The following KDM1A variants were observed in gnomAD, a reference collection of about 807,000 sequenced individuals.
KDM1A encodes the protein lysine demethylase 1A.
KDM1A carries 49 observed loss-of-function variants against 109.4 expected under a neutral mutation model. The ratio of observed to expected loss-of-function variants is 0.45; its 90% CI spans 0.36 to 0.57. KDM1A has a LOEUF of 0.57. Among genes scored for constraint, KDM1A ranks in the 20% least tolerant of loss-of-function variants. The pLI, the probability that KDM1A is intolerant of heterozygous loss-of-function variation, is 0.00. For synonymous variants in KDM1A, 380 were observed against 415.4 expected (o/e 0.91, Z 1.04); for missense variants, 668 against 1,116.6 (o/e 0.60, Z 5.73).
chr1:23,071,336 A>C lies in KDM1A; in HGVS notation c.1525A>C (p.Arg509=). The part of the protein sequence containing the change: ...TAEFLVKSKH[R]DLTALCKEYD... ...CGAGTTCTTAGTGAAAAGCAAACAC[A>C]GGGATCTGACCGCCCTATGCAAGGT... is the stretch of plus-strand genomic sequence containing the variant. Residue 509 remains arginine, a synonymous_variant, in exon 13 of 21, where the codon AGG becomes CGG. Coordinates refer to ENST00000400181, the MANE Select transcript of KDM1A (RefSeq NM_001009999.3). 1 of 1,612,770 alleles carries C rather than the reference A, an allele frequency of 6.2e-7. No individual in the cohort carries two copies. The highest frequency in any genetic ancestry group is 8.5e-7 in the Non-Finnish European group (1 of 1,179,652).
intron 2 of KDM1A, among the ~76,000 whole-genome samples, chr1:23,041,703 A>G (rs1642341044): frequency 6.6e-6 from 1 of 151,780 alleles, no homozygotes; most frequent in South Asian, 2.1e-4. Context: ...GGCCTCCCAA[A>G]GTGCTGGGAT....
chr1:23,033,305 TGA>T (rs1642045131), intron 2 of KDM1A, among the ~76,000 whole-genome samples: 1 of 152,156 alleles, frequency 6.6e-6, no homozygotes, highest in Non-Finnish European at 1.5e-5. Flanking sequence ...GCGGATCACC[TGA>T]GGTCAGGAGT....
chr1:23,044,909 C>G (rs1642459121), intron 3 of KDM1A, among the ~76,000 whole-genome samples: 1 of 152,112 alleles, frequency 6.6e-6, no homozygotes, highest in Non-Finnish European at 1.5e-5. Context: ...GTCAGAGGAA[C>G]TATGTGGGCA....
chr1:23,020,095 C>G (rs1641576059), intron 1 of KDM1A, 148 bp downstream of exon 1: 1 of 853,548 alleles, frequency 1.2e-6, no homozygotes, highest in Non-Finnish European at 1.6e-6. Context: ...TCCCCTCTAG[C>G]TGGACGGGTG....
At chr1:23,070,182 G>A (rs942193942) in intron 12 of KDM1A, among the ~76,000 whole-genome samples, 4 of 152,214 alleles carry the variant, frequency 2.6e-5, no homozygotes, top group Non-Finnish European at 5.9e-5. Context: ...GGTTCCTTAA[G>A]ATTCTTTGGC....
At chr1:23,032,846 C>T (rs4411106) in intron 2 of KDM1A, among the ~76,000 whole-genome samples, 78 of 152,264 alleles carry the variant, frequency 5.1e-4, no homozygotes, top group East Asian at 1.2e-3. Context: ...AAAAATTGAA[C>T]GGAAGCATTG....
chr1:23,051,270 G>A (rs1482372011), intron 4 of KDM1A, among the ~76,000 whole-genome samples: 1 of 152,108 alleles, frequency 6.6e-6, no homozygotes, highest in African/African-American at 2.4e-5. Context: ...TTTGACTGCT[G>A]GACATTTGTT....
chr1:23,051,154 A>C (rs912011901), intron 4 of KDM1A, among the ~76,000 whole-genome samples: 1 of 152,194 alleles, frequency 6.6e-6, no homozygotes. Context: ...TTCCCTCTGA[A>C]GAGAAATCTT....
intron 5 of KDM1A, 87 bp downstream of exon 5, chr1:23,053,926 T>A (rs564022222): frequency 1.8e-5 from 13 of 738,150 alleles, no homozygotes; most frequent in Non-Finnish European, 2.9e-5. Flanking sequence ...CCTTGATAAT[T>A]AATTTTTTCA....
At chr1:23,026,297 T>A (rs1346721985) in intron 1 of KDM1A, among the ~76,000 whole-genome samples, 1 of 152,058 alleles carries the variant, frequency 6.6e-6, no homozygotes, top group Non-Finnish European at 1.5e-5. Context: ...TAGGTATATA[T>A]ATTTATGGGG....
At chr1:23,041,974 T>C (rs114072618) in intron 2 of KDM1A, among the ~76,000 whole-genome samples, 1 of 152,200 alleles carries the variant, frequency 6.6e-6, no homozygotes, top group Admixed American at 6.5e-5. Context: ...AATCCATCTT[T>C]TTTTGTGAAT....
At position 23,019,910 on chromosome 1, in the gene KDM1A, C is replaced by T. The variant is rs1641563497; in HGVS notation, c.314C>T (p.Pro105Leu). The T allele has an allele frequency of 6.4e-7, 1 of 1,573,050 alleles. No homozygotes were observed. Among genetic ancestry groups the T allele is most frequent in the Non-Finnish European group, 8.6e-7 (1 of 1,162,134 alleles). ...TPMETGIAET[P>L]EGRRTSRRKR... ...ATGGAAACTGGAATAGCAGAGACTC[C>T]GGAGGGGCGTCGGACCAGCCGGCGC... Residue 105 changes from proline (P) to leucine (L), a missense_variant, in exon 1 of 21, where the codon CCG becomes CTG. By Grantham distance (98) the Pro-to-Leu change is moderately conservative. This residue lies in a region of KDM1A where 156 missense variants were observed against 163.4 expected (regional missense o/e 0.95). Transcript: ENST00000400181.
chr1:23,050,634 T>A, intron 4 of KDM1A, 114 bp downstream of exon 4: 2 of 796,210 alleles, frequency 2.5e-6, no homozygotes, highest in Non-Finnish European at 3.6e-6. Flanking sequence ...TCTATAATAC[T>A]ATTATTACCC....
At position 23,059,184 on chromosome 1, in the gene KDM1A, CAG is replaced by C. The variant is rs1491496734; in HGVS notation, c.1167+19_1167+20del. On this transcript the variant is annotated intron_variant, in intron 9 of 20. Coordinates refer to ENST00000400181, the MANE Select transcript of KDM1A (RefSeq NM_001009999.3). ...GGACAAGCTGTAAGTCGAGGACAAA[CAG>C]AACTTTCAACATTTCTTTGGTTCAC... 3 of 1,591,582 alleles carry C rather than the reference CAG, an allele frequency of 1.9e-6. No homozygotes were observed. The highest frequency in any genetic ancestry group is 2.6e-6 in the Non-Finnish European group (3 of 1,164,074).
At chr1:23,045,632 C>G (rs1642481203) in intron 3 of KDM1A, among the ~76,000 whole-genome samples, 1 of 151,768 alleles carries the variant, frequency 6.6e-6, no homozygotes, top group African/African-American at 2.4e-5. Flanking sequence ...GAGTTCTAAT[C>G]TTGAAGAAAG....
At chr1:23,023,195 T>C (rs1164937406) in intron 1 of KDM1A, among the ~76,000 whole-genome samples, 1 of 152,244 alleles carries the variant, frequency 6.6e-6, no homozygotes, top group Non-Finnish European at 1.5e-5. Context: ...GTTCTTTACA[T>C]ATTCTGGTTA....
In KDM1A at chr1:23,069,232, G is replaced by T. The variant is rs1643237667; in HGVS notation, c.1413+81G>T. Reference sequence around the variant, plus strand: ...TTAGAAATTTTAAAAGCATTTCCGAGATTTTTTCCTCCATGGAAGAGAAAG... The same window carrying T: ...TTAGAAATTTTAAAAGCATTTCCGATATTTTTTCCTCCATGGAAGAGAAAG... On this transcript the variant is annotated intron_variant, in intron 12 of 20. Transcript: ENST00000400181. 4.8e-6 allele frequency: 4 copies of T among 832,492 alleles called. No homozygotes were observed. The South Asian group carries it at 5.7e-5, about 12-fold the overall frequency. 51.6% of individuals were successfully genotyped at this position (832,492 alleles called of 1,614,324 possible).
At chr1:23,032,524 T>G (rs1569647477) in intron 2 of KDM1A, among the ~76,000 whole-genome samples, 1 of 152,150 alleles carries the variant, frequency 6.6e-6, no homozygotes, top group East Asian at 1.9e-4. Context: ...CGTTAAAATT[T>G]TAAGTTGAGG....
At position 23,083,393 on chromosome 1, in the gene KDM1A, A is replaced by G. The variant is rs774409559; in HGVS notation, c.*29A>G. On this transcript the variant is annotated 3_prime_UTR_variant, in exon 21 of 21. Transcript: ENST00000400181. ...AGATGCATTCTAAGGGAAGAGGCCC[A>G]TGTGCCTGTTTCTGCCATGTAAGGA... 1.3e-6 allele frequency: 2 copies of G among 1,585,040 alleles called. No individual in the cohort carries two copies.
Sources: gnomAD v4.1 joint callset for allele counts (sites outside exome capture counted in the v4.1 genomes callset) on GRCh38, gnomAD v4.1.1 for gene constraint, gnomAD v4.1.1 regional missense constraint, MANE v1.5 for transcripts, NCBI Gene and HGNC (gene_info 2026-07-23, HGNC 2026-07-21) for gene names.